The following FNBP1L variants were observed in gnomAD, a reference collection of about 807,000 sequenced individuals.
FNBP1L encodes the protein formin-binding protein 1-like.
A neutral mutation model predicts 91.2 loss-of-function variants in FNBP1L; 36 were observed. The observed-to-expected ratio is 0.39, with a 90% CI of 0.30 to 0.52. The LOEUF (loss-of-function observed/expected upper bound fraction) is 0.52, where lower values mean the gene tolerates loss of function less well. FNBP1L is among the 20% of genes least tolerant of loss of function. FNBP1L has a pLI of 0.66. For missense variants in FNBP1L, 571 were observed against 732.1 expected (o/e 0.78, Z 2.54); for synonymous variants, 242 against 237.0 (o/e 1.02, Z -0.19).
At chr1:93,464,221 A>G (rs534190228) in intron 1 of FNBP1L, among the ~76,000 whole-genome samples, 2 of 152,332 alleles carry the variant, frequency 1.3e-5, no homozygotes, top group African/African-American at 4.8e-5. Flanking sequence ...ACTTCTGAGC[A>G]TATACCCAAA....
intron 11 of FNBP1L, 29 bp downstream of exon 11, chr1:93,541,085 G>A (rs987647763): frequency 6.5e-7 from 1 of 1,530,872 alleles, no homozygotes; most frequent in Non-Finnish European, 8.8e-7. Flanking sequence ...TCTATATACT[G>A]TGCCAACATT....
intron 1 of FNBP1L, among the ~76,000 whole-genome samples, chr1:93,458,713 A>T (rs896893050): frequency 2.0e-5 from 3 of 152,212 alleles, no homozygotes; most frequent in African/African-American, 7.2e-5. Context: ...TATTACAGTA[A>T]TCCACCCTTC....
chr1:93,508,991 C>A (rs1222977935), intron 2 of FNBP1L, among the ~76,000 whole-genome samples: 2 of 152,134 alleles, frequency 1.3e-5, no homozygotes, highest in Non-Finnish European at 2.9e-5. Context: ...AGAGAGCATG[C>A]CTTCCTAAGA....
chr1:93,475,997 T>G (rs1401239662), intron 1 of FNBP1L, among the ~76,000 whole-genome samples: 1 of 152,186 alleles, frequency 6.6e-6, no homozygotes, highest in South Asian at 2.1e-4. Flanking sequence ...TGGCCAGTTT[T>G]CTTGAGTTTT....
At chr1:93,477,237 A>G (rs755694373) in intron 1 of FNBP1L, among the ~76,000 whole-genome samples, 1 of 152,258 alleles carries the variant, frequency 6.6e-6, no homozygotes, top group Non-Finnish European at 1.5e-5. Context: ...CAATAGAGAT[A>G]CAGGGTAGTA....
chr1:93,448,430 G>T, intron 1 of FNBP1L, 125 bp downstream of exon 1: 2 of 1,068,506 alleles, frequency 1.9e-6, no homozygotes, highest in Non-Finnish European at 2.6e-6. Flanking sequence ...CTGGCGGAGG[G>T]TGAGGGTCCC....
intron 2 of FNBP1L, among the ~76,000 whole-genome samples, chr1:93,510,724 G>T (rs1246362930): frequency 6.6e-6 from 1 of 152,086 alleles, no homozygotes; most frequent in African/African-American, 2.4e-5. Flanking sequence ...TTAGAAGAAT[G>T]TATAACTAGA....
intron 1 of FNBP1L, among the ~76,000 whole-genome samples, chr1:93,456,022 A>G (rs950661614): frequency 3.9e-5 from 6 of 152,144 alleles, no homozygotes; most frequent in African/African-American, 7.2e-5. Flanking sequence ...AGTCTCAACT[A>G]TTTGGGAGGT....
At chr1:93,506,719 ATAGT>A (rs1360427754) in intron 2 of FNBP1L, among the ~76,000 whole-genome samples, 1 of 152,184 alleles carries the variant, frequency 6.6e-6, no homozygotes, top group Non-Finnish European at 1.5e-5. Context: ...GATTTTTGAG[ATAGT>A]TCACATTCTG....
intron 2 of FNBP1L, among the ~76,000 whole-genome samples, chr1:93,511,891 G>A (rs1237499244): frequency 6.8e-6 from 1 of 146,090 alleles, no homozygotes; most frequent in South Asian, 2.2e-4. Flanking sequence ...GCGTGAACCC[G>A]GGAGGCGGAG....
At chr1:93,465,659 A>G (rs1279951305) in intron 1 of FNBP1L, among the ~76,000 whole-genome samples, 6 of 152,176 alleles carry the variant, frequency 3.9e-5, no homozygotes, top group Non-Finnish European at 7.3e-5. Flanking sequence ...TGCCACAGTA[A>G]ACATATGTGT....
chr1:93,453,688 TAAA>T (rs1312401806), intron 1 of FNBP1L, among the ~76,000 whole-genome samples: 2 of 152,202 alleles, frequency 1.3e-5, no homozygotes, highest in African/African-American at 4.8e-5. Flanking sequence ...TATAGAATAT[TAAA>T]AACTGGTAGG....
intron 14 of FNBP1L, among the ~76,000 whole-genome samples, chr1:93,548,120 A>AAG: frequency 6.6e-6 from 1 of 152,316 alleles, no homozygotes; most frequent in South Asian, 2.1e-4. Flanking sequence ...AATACACATA[A>AAG]AGCACCTAGT....
At chr1:93,468,078 G>C (rs1177329863) in intron 1 of FNBP1L, among the ~76,000 whole-genome samples, 1 of 152,120 alleles carries the variant, frequency 6.6e-6, no homozygotes. Flanking sequence ...AAGGAAAGCT[G>C]TTGCCCATTA....
At position 93,532,943 on chromosome 1, in the gene FNBP1L, C is replaced by T. The variant is rs185227108; in HGVS notation, c.661C>T (p.Arg221Ter). ...IYKQLQEMDERRTIKLSECYR... is the reference protein window; with the variant it reads ...IYKQLQEMDE The stretch of plus-strand genomic sequence containing the variant: ...TTAGCAACTACAAGAAATGGACGAA[C>T]GAAGGACTATTAAACTCAGTGAGTG... The change falls in exon 8 of 17, where the codon CGA (arginine) becomes TGA (stop). Residue 221 changes from arginine to a stop codon, truncating the protein, a stop_gained. Transcript: ENST00000271234. LOFTEE classifies it high-confidence loss of function. 1.9e-6 allele frequency: 3 copies of T among 1,603,590 alleles called. No homozygotes were observed. The highest frequency in any genetic ancestry group is 2.6e-6 in the Non-Finnish European group (3 of 1,174,738).
intron 9 of FNBP1L, 95 bp from the exon 10 acceptor site, chr1:93,536,236 AT>A: frequency 1.2e-6 from 1 of 839,570 alleles, no homozygotes; most frequent in Non-Finnish European, 1.6e-6. Flanking sequence ...TTTGAGATAT[AT>A]TTTGTGAAAA....
intron 7 of FNBP1L, among the ~76,000 whole-genome samples, chr1:93,532,329 T>G (rs753201739): frequency 1.2e-4 from 18 of 151,952 alleles, no homozygotes; most frequent in Non-Finnish European, 2.5e-4. Flanking sequence ...TAGCTGGGCA[T>G]GGTGGCACGT....
chr1:93,512,655 C>G (rs972907751), intron 2 of FNBP1L, among the ~76,000 whole-genome samples: 2 of 149,146 alleles, frequency 1.3e-5, no homozygotes, highest in African/African-American at 4.9e-5. Context: ...AACTGAACAA[C>G]CTGCTCCTGA....
At chr1:93,467,178 TATTTGTCC>T (rs1364152568) in intron 1 of FNBP1L, among the ~76,000 whole-genome samples, 1 of 152,186 alleles carries the variant, frequency 6.6e-6, no homozygotes, top group African/African-American at 2.4e-5. Context: ...CTTAAAGAGA[TATTTGTCC>T]ACCCGTGTGT....
Sources: allele counts gnomAD v4.1 joint callset (sites outside exome capture counted in the v4.1 genomes callset), GRCh38; gene constraint gnomAD v4.1.1; transcripts MANE v1.5; gene names NCBI Gene and HGNC (gene_info 2026-07-23, HGNC 2026-07-21).